Variants in TDRD12 observed in about 807,000 individuals in gnomAD.
TDRD12 encodes putative ATP-dependent RNA helicase TDRD12.
A neutral mutation model predicts 133.5 loss-of-function variants in TDRD12; 158 were observed. The observed-to-expected ratio is 1.18, with a 90% CI of 1.04 to 1.35. TDRD12 has a LOEUF of 1.35. Among genes scored for constraint, TDRD12 ranks in the 40% most tolerant of loss-of-function variants. The probability of loss-of-function intolerance (pLI) is 0.00; values close to 1 mark genes in which losing one functional copy is unlikely to be tolerated. For missense variants in TDRD12, 1,443 were observed against 1,321.3 expected, an observed-to-expected ratio of 1.09 and a Z score of -1.43; for synonymous variants, 460 against 477.9, an observed-to-expected ratio of 0.96 and a Z score of 0.49.
At chr19:32,761,200 C>T (rs1970139935) in intron 8 of TDRD12, among the ~76,000 whole-genome samples, 1 of 152,216 alleles carries the variant, frequency 6.6e-6, no homozygotes, top group Non-Finnish European at 1.5e-5. Flanking sequence ...ACTGCAAGCT[C>T]CACCTCCCAG....
intron 21 of TDRD12, among the ~76,000 whole-genome samples, chr19:32,804,833 G>T (rs889856016): frequency 1.3e-5 from 2 of 151,986 alleles, no homozygotes; most frequent in African/African-American, 4.8e-5. Context: ...TCCAGACGGG[G>T]TGACAGAGTG....
rs1317798367 is a variant in TDRD12, at chr19:32,736,902, T to TA, written c.184-1953dup. Among the ~76,000 whole-genome samples the TA allele has an allele frequency of 1.5e-4, 23 of 152,268 alleles. No homozygotes were observed. In the South Asian group the frequency reaches 3.7e-3, roughly 25 times the overall value. On this transcript the variant is annotated intron_variant, in intron 2 of 27. Transcript: ENST00000444215. ...AGGCATTTACAGATGCTTCTTAACTTACGATGAGGTTATGTCCTGATAATT... is the reference window on the plus strand; with the variant it reads ...AGGCATTTACAGATGCTTCTTAACTTAACGATGAGGTTATGTCCTGATAATT...
At chr19:32,724,693 A>T (rs1036547237) in intron 1 of TDRD12, among the ~76,000 whole-genome samples, 1 of 152,140 alleles carries the variant, frequency 6.6e-6, no homozygotes, top group Admixed American at 6.6e-5. Context: ...ATACGCATGT[A>T]TGTCTTTATA....
At chr19:32,813,724 A>G (rs2145736054) in exon 25 of TDRD12, 6 of 1,535,396 alleles carry the variant, frequency 3.9e-6, no homozygotes, top group Non-Finnish European at 5.2e-6. Context: ...GGAAAATTGC[A>G]TGATGCAAAA....
At chr19:32,773,661 G>C (rs1346870866) in intron 10 of TDRD12, 129 bp downstream of exon 10, 4 of 659,440 alleles carry the variant, frequency 6.1e-6, no homozygotes, top group Non-Finnish European at 1.1e-5. Context: ...TCGTACCACT[G>C]TACTCCAGCC....
intron 4 of TDRD12, among the ~76,000 whole-genome samples, chr19:32,748,265 A>G (rs1191967763): frequency 2.6e-5 from 4 of 152,108 alleles, no homozygotes; most frequent in African/African-American, 4.8e-5. Flanking sequence ...ATGAGTCTGC[A>G]CCGGTGCAGG....
intron 21 of TDRD12, 72 bp from the exon 22 acceptor site, chr19:32,807,477 C>T: frequency 9.2e-7 from 1 of 1,089,914 alleles, no homozygotes; most frequent in Non-Finnish European, 1.3e-6. Flanking sequence ...GATTAATTTT[C>T]TGAAGAAAGC....
chr19:32,811,093 G>A, intron 23 of TDRD12, 117 bp from the exon 24 acceptor site: 1 of 766,976 alleles, frequency 1.3e-6, no homozygotes, highest in Non-Finnish European at 2.1e-6. Flanking sequence ...TTCTAGTATA[G>A]AGTAAAATCA....
intron 6 of TDRD12, among the ~76,000 whole-genome samples, chr19:32,752,062 C>T (rs750408204): frequency 6.6e-6 from 1 of 151,754 alleles, no homozygotes; most frequent in Non-Finnish European, 1.5e-5. Flanking sequence ...TAAGTAGAAA[C>T]GGGGTTTTAC....
intron 8 of TDRD12, among the ~76,000 whole-genome samples, chr19:32,765,093 C>T (rs1970257717): frequency 6.6e-6 from 1 of 152,214 alleles, no homozygotes; most frequent in African/African-American, 2.4e-5. Flanking sequence ...TGAACAGACA[C>T]TTCTCAAAAG....
chr19:32,725,065 T>C (rs1480034360), intron 1 of TDRD12, among the ~76,000 whole-genome samples: 2 of 152,302 alleles, frequency 1.3e-5, no homozygotes, highest in East Asian at 3.9e-4. Flanking sequence ...ATGGGGTTTT[T>C]TTCTTGTAAA....
chr19:32,816,702 C>T (rs1034375075), intron 26 of TDRD12, among the ~76,000 whole-genome samples: 3 of 152,154 alleles, frequency 2.0e-5, no homozygotes, highest in African/African-American at 4.8e-5. Flanking sequence ...AAAGTGGCTG[C>T]GCCAGCGTCT....
rs374401560 is a variant in TDRD12, at chr19:32,732,409, C to G, written c.183+526C>G. On this transcript the variant is annotated intron_variant, in intron 2 of 27. Transcript: ENST00000444215. ...AAAAGTAGACAGAATGTCATCTACA[C>G]CCAGGCATTAGGGCCATCCCTCTGG... Among the ~76,000 whole-genome samples, 9 of 152,348 alleles carry G rather than the reference C, an allele frequency of 5.9e-5. No homozygotes were observed. The South Asian group carries it at 1.2e-3, about 21-fold the overall frequency.
chr19:32,798,356 G>T, exon 16 of TDRD12: 1 of 1,535,792 alleles, frequency 6.5e-7, no homozygotes, highest in Non-Finnish European at 8.7e-7. Flanking sequence ...CTTCTCGCCT[G>T]TCAGAGCCTG....
Position 32,809,693 on chromosome 19 carries a change from G to A in TDRD12, c.2653-400G>A, listed in dbSNP as rs564705668. Among the ~76,000 whole-genome samples the A allele has an allele frequency of 1.2e-4, 18 of 152,304 alleles. No homozygotes were observed. The East Asian group carries it at 3.3e-3, about 28-fold the overall frequency. ...ACAGTTTCATCCCTGTAACCCTGGA[G>A]GCTGATATACAGTAGCTCTTAATAA... On this transcript the variant is annotated intron_variant, in intron 22 of 27. Coordinates refer to ENST00000444215, the Ensembl canonical transcript of TDRD12.
intron 3 of TDRD12, among the ~76,000 whole-genome samples, chr19:32,741,797 C>G (rs537615343): frequency 5.5e-4 from 84 of 152,234 alleles, no homozygotes; most frequent in African/African-American, 2.0e-3. Flanking sequence ...CCTGTAATCC[C>G]AGCACTTTGG....
chr19:32,808,682 C>T (rs551763928), intron 22 of TDRD12, among the ~76,000 whole-genome samples: 101 of 152,202 alleles, frequency 6.6e-4, no homozygotes, highest in Non-Finnish European at 1.0e-3. Flanking sequence ...GGGAGAGTCA[C>T]CACCCAACCC....
exon 20 of TDRD12, chr19:32,802,688 A>C (rs1393540673): frequency 6.5e-7 from 1 of 1,536,234 alleles, no homozygotes; most frequent in East Asian, 2.4e-5. Flanking sequence ...ACTCTTGGCC[A>C]TCACCGATGC....
At position 32,740,957 on chromosome 19, in the gene TDRD12, A is replaced by T. The variant is rs566535526; in HGVS notation, c.321-1824A>T. On this transcript the variant is annotated intron_variant, in intron 3 of 27. Transcript: ENST00000444215. Reference sequence around the variant, plus strand: ...AACAAGTCAGTCTTGGTGTTTTGTGATGACTTTTCCATAGTTTCCCGTCCC... The same window carrying T: ...AACAAGTCAGTCTTGGTGTTTTGTGTTGACTTTTCCATAGTTTCCCGTCCC... Among the ~76,000 whole-genome samples the T allele has an allele frequency of 5.6e-4, 85 of 152,202 alleles. 1 individual carries two copies. The highest frequency in any genetic ancestry group is 1.1e-3 in the Non-Finnish European group (78 of 68,032).
Sources: allele counts gnomAD v4.1 joint callset (sites outside exome capture counted in the v4.1 genomes callset), GRCh38; gene constraint gnomAD v4.1.1; transcripts MANE v1.5; gene names NCBI Gene and HGNC (gene_info 2026-07-23, HGNC 2026-07-21).